The following NLRP5 variants were observed in gnomAD, a reference collection of about 807,000 sequenced individuals.
NLRP5 encodes NACHT, LRR and PYD domains-containing protein 5.
Under a neutral mutation model 113.1 loss-of-function variants are expected in NLRP5, and 93 were observed. The observed-to-expected ratio is 0.82, with a 90% confidence interval of 0.70 to 0.98. The LOEUF (loss-of-function observed/expected upper bound fraction) is 0.98, where lower values mean the gene tolerates loss of function less well. Among genes scored for constraint, NLRP5 ranks in the 50% least tolerant of loss-of-function variants. The probability of loss-of-function intolerance (pLI) is 0.00; values close to 1 mark genes in which losing one functional copy is unlikely to be tolerated. For missense variants in NLRP5, 1,808 were observed against 1,514.3 expected (o/e 1.19, Z -3.22); for synonymous variants, 751 against 600.7 (o/e 1.25, Z -3.66).
intron 6 of NLRP5, 41 bp downstream of exon 6, chr19:56,020,472 G>A (rs1287139057): frequency 6.3e-7 from 1 of 1,590,544 alleles, no homozygotes; most frequent in Non-Finnish European, 8.6e-7. Context: ...CCTCCTGGAA[G>A]AAAGTTGGGT....
intron 4 of NLRP5, among the ~76,000 whole-genome samples, chr19:56,018,282 C>T (rs1982484651): frequency 6.6e-6 from 1 of 152,078 alleles, no homozygotes; most frequent in Non-Finnish European, 1.5e-5. Context: ...CAAAGACCAC[C>T]CTAATGATTG....
At chr19:56,018,212 A>G (rs1405011382) in intron 4 of NLRP5, among the ~76,000 whole-genome samples, 3 of 152,206 alleles carry the variant, frequency 2.0e-5, no homozygotes, top group Non-Finnish European at 4.4e-5. Context: ...AAAATCCTTA[A>G]GTGGTTTTTA....
chr19:56,006,028 CAG>C (rs1198662023), intron 2 of NLRP5, among the ~76,000 whole-genome samples: 1 of 152,074 alleles, frequency 6.6e-6, no homozygotes, highest in African/African-American at 2.4e-5. Flanking sequence ...TGTCTGGTGT[CAG>C]AGATTTGCAG....
chr19:55,987,538 T>A, the NLRP5 span, among the ~76,000 whole-genome samples: 1 of 152,166 alleles, frequency 6.6e-6, no homozygotes, highest in Non-Finnish European at 1.5e-5. Flanking sequence ...CTGACGGTGT[T>A]GTTTGTCCTG....
Position 56,040,935 on chromosome 19 carries a change from G to C in NLRP5, c.2800G>C (p.Gly934Arg), listed in dbSNP as rs775358330. ...CTCTTCTTGCAGACTGGAGGACTGT[G>C]GCATCACAGCCACGGGTTGCCAGAG... Residue 934 changes from glycine (G) to arginine (R), a missense_variant, in exon 11 of 15, where the codon GGC becomes CGC. By Grantham distance (125) the Gly-to-Arg change is moderately radical (BLOSUM62 -2). Coordinates refer to ENST00000390649, the MANE Select transcript of NLRP5 (RefSeq NM_153447.4). The C allele has an allele frequency of 1.2e-6, 2 of 1,613,822 alleles. No homozygotes were observed. Among genetic ancestry groups the C allele is most frequent in the Admixed American group, 3.3e-5 (2 of 60,004 alleles).
At chr19:56,025,743 T>C (rs1460165506) in intron 6 of NLRP5, among the ~76,000 whole-genome samples, 1 of 151,826 alleles carries the variant, frequency 6.6e-6, no homozygotes, top group Non-Finnish European at 1.5e-5. Context: ...GATTCCCCCA[T>C]TGCGTGGGGG....
intron 6 of NLRP5, among the ~76,000 whole-genome samples, chr19:56,021,031 C>T (rs1053355496): frequency 2.6e-5 from 4 of 151,804 alleles, no homozygotes; most frequent in Non-Finnish European, 5.9e-5. Flanking sequence ...GCCACCATGC[C>T]CGACTAATTT....
chr19:55,989,367 C>T, the NLRP5 span, among the ~76,000 whole-genome samples: 2 of 152,038 alleles, frequency 1.3e-5, no homozygotes, highest in South Asian at 4.1e-4. Flanking sequence ...GCAATTCTGC[C>T]TCAGCCTCCC....
intron 13 of NLRP5, among the ~76,000 whole-genome samples, chr19:56,057,406 G>T (rs2123345231): frequency 6.6e-6 from 1 of 152,136 alleles, no homozygotes; most frequent in South Asian, 2.1e-4. Flanking sequence ...TATGACCTAG[G>T]TGCCCAGCCT....
intron 10 of NLRP5, among the ~76,000 whole-genome samples, chr19:56,040,720 A>G (rs11084423): frequency 0.093 from 14,154 of 152,238 alleles, 669 homozygotes; most frequent in Non-Finnish European, 0.097. Context: ...AATCACCCAC[A>G]ATACTTAGAG....
the NLRP5 span, chr19:55,988,444 G>GTGTATATA: frequency 2.8e-5 from 3 of 106,488 alleles, no homozygotes; most frequent in African/African-American, 7.6e-5. Context: ...ATGTGTGTGT[G>GTGTATATA]TATATATATA....
chr19:56,003,572 T>C, intron 1 of NLRP5, 164 bp from the exon 2 acceptor site: 1 of 811,422 alleles, frequency 1.2e-6, no homozygotes, highest in East Asian at 2.6e-5. Context: ...GTCCCAGCAC[T>C]GATGTCTAGT....
In NLRP5 at chr19:56,032,554, G is replaced by A. The variant is rs943208415; in HGVS notation, c.2277-57G>A. ...TCCCTCTCCTCCGACGTGTTGCCAC[G>A]ACTGCTCATGTTAAACTCCATCCCA... On this transcript the variant is annotated intron_variant, in intron 7 of 14. Transcript: ENST00000390649. 38 of 1,518,672 alleles carry A rather than the reference G, an allele frequency of 2.5e-5. No homozygotes were observed. The African/African-American group carries it at 3.7e-4, about 15-fold the overall frequency. The allele number at this position is 1,518,672 out of a possible 1,614,324, so 94.1% of individuals were successfully genotyped here. A position where few individuals can be genotyped will look rare whatever the true frequency, so the allele number is the denominator to read the frequency against.
At chr19:56,060,694 C>T (rs1184703970) in intron 14 of NLRP5, among the ~76,000 whole-genome samples, 1 of 151,836 alleles carries the variant, frequency 6.6e-6, no homozygotes, top group Non-Finnish European at 1.5e-5. Flanking sequence ...TTTAAAAGCT[C>T]AGCATAGTAT....
intron 3 of NLRP5, among the ~76,000 whole-genome samples, chr19:56,015,065 G>C (rs979297921): frequency 3.3e-5 from 5 of 152,134 alleles, no homozygotes; most frequent in African/African-American, 1.2e-4. Flanking sequence ...CATTAATTTA[G>C]GGTTTTCTTA....
intron 14 of NLRP5, among the ~76,000 whole-genome samples, chr19:56,059,226 C>T (rs55809430): frequency 0.11 from 16,357 of 152,232 alleles, 1,001 homozygotes; most frequent in African/African-American, 0.17. Context: ...TCAGCTTCCC[C>T]TCTCATTCAG....
chr19:55,987,428 T>A, the NLRP5 span, among the ~76,000 whole-genome samples: 1 of 152,216 alleles, frequency 6.6e-6, no homozygotes, highest in Non-Finnish European at 1.5e-5. Flanking sequence ...GATTAGCTAA[T>A]GTCTGGTCTG....
At position 56,033,699 on chromosome 19, in the gene NLRP5, G is replaced by T. The variant is rs200240705; in HGVS notation, c.2605G>T (p.Glu869Ter). The T allele has an allele frequency of 1.9e-5, 30 of 1,612,662 alleles. No homozygotes were observed. Among genetic ancestry groups the T allele is most frequent in the Non-Finnish European group, 2.5e-5 (29 of 1,179,310 alleles). Residue 869 changes from glutamate (E) to a stop codon, truncating the protein, a stop_gained, in exon 9 of 15, where the codon GAG becomes TAG. Transcript: ENST00000390649. LOFTEE classifies it high-confidence loss of function. ...CTTAAAACACCCAAAATGTTTGTTG[G>T]AGTCTTTGAGGTACGTCTCTGGTAG...
chr19:56,054,703 C>T (rs1337004207), intron 13 of NLRP5, among the ~76,000 whole-genome samples: 3 of 151,942 alleles, frequency 2.0e-5, no homozygotes, highest in Non-Finnish European at 4.4e-5. Flanking sequence ...CCAAAACAGT[C>T]AAGTTCGTAC....
Sources: gnomAD v4.1 joint callset for allele counts (sites outside exome capture counted in the v4.1 genomes callset) on GRCh38, gnomAD v4.1.1 for gene constraint, MANE v1.5 for transcripts, NCBI Gene and HGNC (gene_info 2026-07-23, HGNC 2026-07-21) for gene names.